Variants in STARD13 observed in about 807,000 individuals in gnomAD.
STARD13 encodes the protein stAR-related lipid transfer protein 13.
A neutral mutation model predicts 106.4 loss-of-function variants in STARD13; 62 were observed. The observed-to-expected ratio is 0.58, with a 90% CI of 0.48 to 0.72. The LOEUF is 0.72. Among genes scored for constraint, STARD13 ranks in the 30% least tolerant of loss-of-function variants. STARD13 has a pLI of 0.00. For missense variants in STARD13, 1,387 were observed against 1,424.0 expected (o/e 0.97, Z 0.42); for synonymous variants, 565 against 553.0 (o/e 1.02, Z -0.31).
At chr13:33,273,569 A>C (rs953886190) in intron 1 of STARD13, among the ~76,000 whole-genome samples, 7 of 152,242 alleles carry the variant, frequency 4.6e-5, no homozygotes, top group African/African-American at 1.7e-4. Context: ...AAATTTCAAC[A>C]AATTGATAGT....
chr13:33,132,610 G>A (rs1878478607), intron 4 of STARD13, among the ~76,000 whole-genome samples: 1 of 152,166 alleles, frequency 6.6e-6, no homozygotes, highest in African/African-American at 2.4e-5. Context: ...CAGCTACTTG[G>A]GAGTCTGAGG....
the STARD13 span, among the ~76,000 whole-genome samples, chr13:33,605,198 C>T: frequency 6.8e-6 from 1 of 147,204 alleles, no homozygotes; most frequent in Admixed American, 6.9e-5. Flanking sequence ...ATGACAGTAC[C>T]ACTGCACTCC....
chr13:33,618,928 C>CTG, the STARD13 span, among the ~76,000 whole-genome samples: 11 of 151,920 alleles, frequency 7.2e-5, no homozygotes, highest in African/African-American at 2.4e-4. Context: ...CCATAAGAAT[C>CTG]TGTGTGTGTG....
At chr13:33,634,831 G>T in the STARD13 span, among the ~76,000 whole-genome samples, 88 of 152,156 alleles carry the variant, frequency 5.8e-4, no homozygotes, top group Admixed American at 5.6e-3. Flanking sequence ...GTGTCGCTGC[G>T]AATGAAGGGT....
rs140494144 is a variant in STARD13, at chr13:33,338,601, A to T, written c.124+11689T>A. Among the ~76,000 whole-genome samples, 12 of 152,320 alleles carry T rather than the reference A, an allele frequency of 7.9e-5. No homozygotes were observed. The East Asian group carries it at 2.3e-3, about 29-fold the overall frequency. ...TTTTTAAAAAATCCCAGTCAGAGCA[A>T]GGAGAGTGAGCTGAATGTCTTAGTT... On this transcript the variant is annotated intron_variant, in intron 1 of 5. Transcript: ENST00000567873.
chr13:33,498,003 A>G, the STARD13 span, among the ~76,000 whole-genome samples: 1 of 152,250 alleles, frequency 6.6e-6, no homozygotes, highest in Non-Finnish European at 1.5e-5. Context: ...CCAACTTTTT[A>G]CTAGCATAAC....
At chr13:33,494,834 C>T in the STARD13 span, among the ~76,000 whole-genome samples, 6 of 152,070 alleles carry the variant, frequency 3.9e-5, no homozygotes, top group Non-Finnish European at 5.9e-5. Context: ...CACAATGTCA[C>T]GGTTTTCTTT....
the STARD13 span, among the ~76,000 whole-genome samples, chr13:33,557,314 A>G: frequency 6.6e-6 from 1 of 152,156 alleles, no homozygotes; most frequent in South Asian, 2.1e-4. Context: ...CACCCGGGCG[A>G]TGTAATGACT....
chr13:33,422,285 A>G, the STARD13 span, among the ~76,000 whole-genome samples: 1 of 152,218 alleles, frequency 6.6e-6, no homozygotes, highest in African/African-American at 2.4e-5. Context: ...AATCACAAGC[A>G]TTCATATACA....
At chr13:33,106,646 T>G (rs1282070293) in intron 13 of STARD13, 112 bp downstream of exon 13, 2 of 1,000,874 alleles carry the variant, frequency 2.0e-6, no homozygotes, top group South Asian at 2.2e-5. Context: ...CTAATGGCAA[T>G]GAGGAAACAA....
chr13:33,361,796 A>C, the STARD13 span, among the ~76,000 whole-genome samples: 9 of 152,156 alleles, frequency 5.9e-5, no homozygotes, highest in Non-Finnish European at 1.2e-4. Flanking sequence ...CAAGGGGGAA[A>C]TCCACCCCCA....
chr13:33,304,215 G>A (rs145139815), intron 1 of STARD13, among the ~76,000 whole-genome samples: 402 of 152,254 alleles, frequency 2.6e-3, no homozygotes, highest in African/African-American at 9.2e-3. Context: ...GTTAGCAAAT[G>A]TTTTAGGAAT....
the STARD13 span, among the ~76,000 whole-genome samples, chr13:33,519,208 T>TTTCTCTTTC: frequency 1.2e-3 from 126 of 101,590 alleles, no homozygotes; most frequent in East Asian, 3.8e-3. Context: ...CTTGGTAATT[T>TTTCTCTTTC]TTTCTTTCTT....
At chr13:33,427,497 G>A in the STARD13 span, among the ~76,000 whole-genome samples, 7,640 of 152,188 alleles carry the variant, frequency 0.05, 498 homozygotes, top group African/African-American at 0.15. Context: ...CAGTTTTCAC[G>A]AGCCATGCCA....
the STARD13 span, among the ~76,000 whole-genome samples, chr13:33,434,797 T>G: frequency 7.2e-5 from 11 of 151,992 alleles, no homozygotes; most frequent in Non-Finnish European, 1.6e-4. Flanking sequence ...GCACCTGTTG[T>G]ATGGCAGCAG....
intron 3 of STARD13, among the ~76,000 whole-genome samples, chr13:33,154,549 C>A (rs1306074993): frequency 1.3e-5 from 2 of 152,090 alleles, no homozygotes; most frequent in African/African-American, 4.8e-5. Context: ...ATCAGGACTT[C>A]AAGGAAGAAC....
intron 6 of STARD13, 85 bp downstream of exon 6, chr13:33,127,288 A>G: frequency 1.4e-6 from 2 of 1,415,966 alleles, no homozygotes; most frequent in Non-Finnish European, 1.9e-6. Context: ...TTTTTCAGAT[A>G]TCACAAAGTA....
chr13:33,261,265 A>G (rs986664869), intron 1 of STARD13, among the ~76,000 whole-genome samples: 1 of 152,184 alleles, frequency 6.6e-6, no homozygotes, highest in African/African-American at 2.4e-5. Context: ...CCAGAGGTAA[A>G]AACTATGGAT....
chr13:33,295,546 A>G (rs143049468), intron 1 of STARD13, among the ~76,000 whole-genome samples: 1 of 152,326 alleles, frequency 6.6e-6, no homozygotes, highest in African/African-American at 2.4e-5. Flanking sequence ...TTTCTAATGT[A>G]TTCTTCATGC....
Sources: allele counts gnomAD v4.1 joint callset (sites outside exome capture counted in the v4.1 genomes callset), GRCh38; gene constraint gnomAD v4.1.1; transcripts MANE v1.5; gene names NCBI Gene and HGNC (gene_info 2026-07-23, HGNC 2026-07-21).